PMS1: variants seen among roughly 807,000 people sequenced by gnomAD.
The protein encoded by PMS1 is PMS1 homolog 1, mismatch repair system component.
Under a neutral mutation model 93.1 loss-of-function variants are expected in PMS1, and 79 were observed. The ratio of observed to expected loss-of-function variants is 0.85; its 90% CI spans 0.71 to 1.02. The LOEUF is 1.02. PMS1 is among the 50% of genes least tolerant of loss of function. PMS1 has a pLI of 0.00. For missense variants in PMS1, 1,064 were observed against 1,085.3 expected (o/e 0.98, Z 0.28); for synonymous variants, 335 against 363.4 (o/e 0.92, Z 0.89).
chr2:189,845,666 A>T (rs1266475250), intron 6 of PMS1, among the ~76,000 whole-genome samples: 1 of 152,086 alleles, frequency 6.6e-6, no homozygotes, highest in African/African-American at 2.4e-5. Context: ...TTTTATAGGA[A>T]TGATGGTTGG....
chr2:189,842,980 A>G (rs950118475), intron 5 of PMS1, among the ~76,000 whole-genome samples: 3 of 136,940 alleles, frequency 2.2e-5, no homozygotes, highest in Admixed American at 2.1e-4. Context: ...ATATATATAC[A>G]CACACACATA....
chr2:189,869,954 C>G (rs2056999837), intron 11 of PMS1, among the ~76,000 whole-genome samples: 1 of 151,980 alleles, frequency 6.6e-6, no homozygotes, highest in African/African-American at 2.4e-5. Context: ...ATGCTTTCAG[C>G]TCTTAGCTTG....
At chr2:189,785,310 A>C (rs901653930) in intron 1 of PMS1, 1 of 152,176 alleles carries the variant, frequency 6.6e-6, no homozygotes, top group African/African-American at 2.4e-5. Flanking sequence ...CTCTAATGGA[A>C]GTCTGTGAGT....
In PMS1 at chr2:189,863,393, A is replaced by G. The variant is rs542173471; in HGVS notation, c.1857-350A>G. 3.3e-5 allele frequency among the ~76,000 whole-genome samples: 5 copies of G among 151,944 alleles called. No homozygotes were observed. The East Asian group carries it at 9.7e-4, about 30-fold the overall frequency. ...CTCAGCCTTCTGAGTAGCTGGGACT[A>G]CAAGTGCACACCAACATGCCTGGCT... On this transcript the variant is annotated intron_variant, in intron 9 of 12. Coordinates refer to ENST00000441310, the MANE Select transcript of PMS1 (RefSeq NM_000534.5).
intron 5 of PMS1, among the ~76,000 whole-genome samples, chr2:189,821,831 T>C (rs1450349170): frequency 6.6e-6 from 1 of 151,970 alleles, no homozygotes; most frequent in Non-Finnish European, 1.5e-5. Context: ...AAATAAATAA[T>C]AGGTAAAAAC....
rs1231509612 is a variant in PMS1 at position 189,808,853 on chromosome 2, A to G, written c.418+3099A>G. Among the ~76,000 whole-genome samples, 4 of 152,194 alleles carry G rather than the reference A, an allele frequency of 2.6e-5. No homozygotes were observed. The East Asian group carries it at 7.7e-4, about 29-fold the overall frequency. On this transcript the variant is annotated intron_variant, in intron 4 of 12. Coordinates refer to ENST00000441310, the MANE Select transcript of PMS1 (RefSeq NM_000534.5). The stretch of plus-strand genomic sequence containing the variant: ...GAAATACATCTCTATCTTTTAAATT[A>G]TTGTACCAAGAACATGGAGTAAATT...
intron 6 of PMS1, among the ~76,000 whole-genome samples, chr2:189,849,697 C>G (rs2054537115): frequency 6.6e-6 from 1 of 152,024 alleles, no homozygotes; most frequent in African/African-American, 2.4e-5. Flanking sequence ...TCGCCAGCCC[C>G]AATTTGACAC....
intron 9 of PMS1, chr2:189,857,278 G>A: frequency 6.1e-6 from 1 of 164,208 alleles, no homozygotes. Context: ...AACCTATGAA[G>A]AAAATATAGG....
At chr2:189,870,060 T>C (rs779689481) in intron 11 of PMS1, among the ~76,000 whole-genome samples, 6 of 152,214 alleles carry the variant, frequency 3.9e-5, no homozygotes, top group Non-Finnish European at 7.3e-5. Flanking sequence ...TGACTTGATT[T>C]GATTGGAATT....
At chr2:189,869,578 A>T (rs1219718863) in intron 11 of PMS1, among the ~76,000 whole-genome samples, 1 of 152,096 alleles carries the variant, frequency 6.6e-6, no homozygotes, top group African/African-American at 2.4e-5. Flanking sequence ...GCACTTTGGG[A>T]GGCCGAGGTG....
At chr2:189,812,501 A>C (rs1047905375) in intron 4 of PMS1, among the ~76,000 whole-genome samples, 1 of 152,240 alleles carries the variant, frequency 6.6e-6, no homozygotes, top group African/African-American at 2.4e-5. Context: ...CAAGAAGGAA[A>C]GAAAAGCACT....
chr2:189,832,134 G>A (rs1310903556), intron 5 of PMS1, among the ~76,000 whole-genome samples: 1 of 152,198 alleles, frequency 6.6e-6, no homozygotes, highest in African/African-American at 2.4e-5. Context: ...TAGGTACCAG[G>A]GAGCTAGCTG....
At chr2:189,872,682 G>T (rs5743179) in intron 11 of PMS1, among the ~76,000 whole-genome samples, 4 of 151,988 alleles carry the variant, frequency 2.6e-5, no homozygotes, top group Admixed American at 2.6e-4. Context: ...GCCCAGGCTG[G>T]AGTGCAGTGG....
At chr2:189,851,943 T>G (rs938504324) in intron 6 of PMS1, among the ~76,000 whole-genome samples, 48 of 152,332 alleles carry the variant, frequency 3.2e-4, no homozygotes, top group African/African-American at 1.1e-3. Flanking sequence ...GAGCATGTTC[T>G]CTGCTTCCTA....
chr2:189,833,889 C>A (rs2053169333), intron 5 of PMS1, among the ~76,000 whole-genome samples: 3 of 152,122 alleles, frequency 2.0e-5, no homozygotes. Flanking sequence ...CTTTCAGAGA[C>A]CACCACAATC....
chr2:189,807,285 T>G (rs565178876), intron 4 of PMS1, among the ~76,000 whole-genome samples: 1 of 152,156 alleles, frequency 6.6e-6, no homozygotes, highest in Non-Finnish European at 1.5e-5. Flanking sequence ...TGAGCTCAAG[T>G]CTAACAGCTA....
chr2:189,846,944 C>T (rs256579), intron 6 of PMS1, among the ~76,000 whole-genome samples: 9,617 of 151,324 alleles, frequency 0.064, 435 homozygotes, highest in African/African-American at 0.13. Context: ...TCACTGAAAC[C>T]TCTGCCCCCC....
chr2:189,785,697 G>A lies in PMS1; in HGVS notation c.-21+1104G>A, dbSNP rs1284135257. 2.1e-5 allele frequency among the ~76,000 whole-genome samples: 3 copies of A among 143,626 alleles called. No individual in the cohort carries two copies. The East Asian group carries it at 6.2e-4, about 30-fold the overall frequency. 94.2% of individuals were successfully genotyped at this position (143,626 alleles called of 152,430 possible). On this transcript the variant is annotated intron_variant, in intron 1 of 12. Coordinates refer to ENST00000441310, the MANE Select transcript of PMS1 (RefSeq NM_000534.5). ...GGAAGGAATACCTAATCTGTTGGCAGGTGAAGGAAAGGAGGCTGCAGCAGG... is the reference window on the plus strand; with the variant it reads ...GGAAGGAATACCTAATCTGTTGGCAAGTGAAGGAAAGGAGGCTGCAGCAGG...
chr2:189,810,511 C>T (rs1229785233), intron 4 of PMS1, among the ~76,000 whole-genome samples: 1 of 152,170 alleles, frequency 6.6e-6, no homozygotes, highest in Non-Finnish European at 1.5e-5. Flanking sequence ...ACCAGCTGAA[C>T]TTTTATAGCC....
Sources: allele counts gnomAD v4.1 joint callset (sites outside exome capture counted in the v4.1 genomes callset), GRCh38; gene constraint gnomAD v4.1.1; transcripts MANE v1.5; gene names NCBI Gene and HGNC (gene_info 2026-07-23, HGNC 2026-07-21).